Variants in BMAL1 observed in about 807,000 individuals in gnomAD.
BMAL1 encodes basic helix-loop-helix ARNT-like protein 1.
the BMAL1 span, chr11:13,372,109 C>T: frequency 3.1e-6 from 5 of 1,604,760 alleles, no homozygotes; most frequent in Non-Finnish European, 4.3e-6. Flanking sequence ...CGGCCGTGTA[C>T]ACCTCCATGG....
chr11:13,278,088 C>T, the BMAL1 span, among the ~76,000 whole-genome samples: 2 of 152,182 alleles, frequency 1.3e-5, no homozygotes, highest in African/African-American at 2.4e-5. Flanking sequence ...GGCCCGTGAC[C>T]GCTCCCTGCC....
the BMAL1 span, among the ~76,000 whole-genome samples, chr11:13,313,117 T>C: frequency 6.6e-6 from 1 of 152,234 alleles, no homozygotes; most frequent in Non-Finnish European, 1.5e-5. Flanking sequence ...TGGCTGCCAT[T>C]GCCAATGCCC....
At chr11:13,314,567 A>AT in the BMAL1 span, among the ~76,000 whole-genome samples, 1 of 151,830 alleles carries the variant, frequency 6.6e-6, no homozygotes, top group African/African-American at 2.4e-5. Flanking sequence ...CTGACTTTTT[A>AT]TTTTTTTAGC....
chr11:13,309,348 C>T, the BMAL1 span, among the ~76,000 whole-genome samples: 1 of 151,958 alleles, frequency 6.6e-6, no homozygotes, highest in African/African-American at 2.4e-5. Flanking sequence ...TGGTGCAGGC[C>T]CAGCATCCTG....
At chr11:13,370,836 C>T in the BMAL1 span, among the ~76,000 whole-genome samples, 1 of 152,176 alleles carries the variant, frequency 6.6e-6, no homozygotes, top group Non-Finnish European at 1.5e-5. Flanking sequence ...ATGCAGCCCC[C>T]GACCCTGCCA....
chr11:13,304,203 G>A, the BMAL1 span, among the ~76,000 whole-genome samples: 1 of 152,170 alleles, frequency 6.6e-6, no homozygotes, highest in African/African-American at 2.4e-5. Context: ...GGAGCAAGGG[G>A]GATGCAGGGG....
the BMAL1 span, among the ~76,000 whole-genome samples, chr11:13,289,364 G>C: frequency 6.6e-6 from 1 of 152,062 alleles, no homozygotes; most frequent in Admixed American, 6.6e-5. Context: ...TTATTGGATA[G>C]GGCCATGTTT....
chr11:13,360,942 C>T, the BMAL1 span, among the ~76,000 whole-genome samples: 1 of 152,150 alleles, frequency 6.6e-6, no homozygotes, highest in East Asian at 1.9e-4. Flanking sequence ...ATGTTGAAAC[C>T]CTGTCTCTAT....
chr11:13,337,855 G>C, the BMAL1 span, among the ~76,000 whole-genome samples: 1 of 152,168 alleles, frequency 6.6e-6, no homozygotes, highest in Non-Finnish European at 1.5e-5. Flanking sequence ...TTGTCACAGA[G>C]CTTTGGAGTC....
the BMAL1 span, among the ~76,000 whole-genome samples, chr11:13,359,796 G>A: frequency 3.3e-5 from 5 of 152,112 alleles, no homozygotes; most frequent in Non-Finnish European, 7.4e-5. Context: ...CTGGGAGTGC[G>A]AGCTGCATTG....
At chr11:13,278,178 C>G in the BMAL1 span, among the ~76,000 whole-genome samples, 2 of 152,236 alleles carry the variant, frequency 1.3e-5, no homozygotes, top group Non-Finnish European at 2.9e-5. Context: ...GGGGCTGCCG[C>G]TGCGGGCTAG....
the BMAL1 span, among the ~76,000 whole-genome samples, chr11:13,283,397 A>G: frequency 6.6e-6 from 1 of 152,254 alleles, no homozygotes; most frequent in Non-Finnish European, 1.5e-5. Context: ...GTGCCAGCAC[A>G]TATGTGAGTC....
the BMAL1 span, among the ~76,000 whole-genome samples, chr11:13,279,573 G>C: frequency 1.3e-5 from 2 of 152,094 alleles, no homozygotes; most frequent in Non-Finnish European, 2.9e-5. Flanking sequence ...CTCTCTGCTT[G>C]CAAGACTTAA....
At chr11:13,356,595 T>TTA in the BMAL1 span, 1 of 898,826 alleles carries the variant, frequency 1.1e-6, no homozygotes, top group South Asian at 1.7e-5. Flanking sequence ...TTTACCCTTA[T>TTA]TATACATCAT....
chr11:13,291,079 A>G, the BMAL1 span, among the ~76,000 whole-genome samples: 140,728 of 152,244 alleles, frequency 0.92, 65,507 homozygotes, highest in East Asian at 1. Flanking sequence ...TTTAAAGACA[A>G]CAAAAGAAAT....
the BMAL1 span, among the ~76,000 whole-genome samples, chr11:13,301,353 A>C: frequency 6.6e-6 from 1 of 152,196 alleles, no homozygotes; most frequent in African/African-American, 2.4e-5. Flanking sequence ...AAGGGCTAAA[A>C]CTTTAGGGAG....
chr11:13,369,793 C>A, the BMAL1 span: 1 of 1,599,954 alleles, frequency 6.3e-7, no homozygotes, highest in Non-Finnish European at 8.5e-7. Flanking sequence ...TCCATTAAAA[C>A]CCTGTGACAG....
At chr11:13,358,013 C>T in the BMAL1 span, among the ~76,000 whole-genome samples, 2 of 152,228 alleles carry the variant, frequency 1.3e-5, no homozygotes, top group African/African-American at 4.8e-5. Flanking sequence ...CACATGGCCA[C>T]ACAGCGGGCT....
At chr11:13,354,427 A>G in the BMAL1 span, 5 of 1,614,090 alleles carry the variant, frequency 3.1e-6, no homozygotes, top group South Asian at 5.5e-5. Context: ...CGCAAACGGA[A>G]AGGCAGCTCC....
Sources: allele counts gnomAD v4.1 joint callset (sites outside exome capture counted in the v4.1 genomes callset), GRCh38; gene constraint gnomAD v4.1.1; transcripts MANE v1.5; gene names NCBI Gene and HGNC (gene_info 2026-07-23, HGNC 2026-07-21).